The following ENPEP variants were observed in gnomAD, a reference collection of about 807,000 sequenced individuals.
The protein encoded by ENPEP is AP-A.
ENPEP carries 103 observed loss-of-function variants against 114.5 expected under a neutral mutation model. The ratio of observed to expected loss-of-function variants is 0.90; its 90% CI spans 0.77 to 1.06. The LOEUF (loss-of-function observed/expected upper bound fraction) is 1.06. Ranked by LOEUF, ENPEP falls within the 50% of genes least tolerant of loss-of-function variation. The probability of loss-of-function intolerance (pLI) is 0.00; values close to 1 mark genes in which losing one functional copy is unlikely to be tolerated. For missense variants in ENPEP, 1,196 were observed against 1,161.3 expected (o/e 1.03, Z -0.43); for synonymous variants, 420 against 422.0 (o/e 1.00, Z 0.06).
At chr4:110,559,287 T>C (rs1456577367) in intron 18 of ENPEP, 2 of 170,688 alleles carry the variant, frequency 1.2e-5, no homozygotes, top group Non-Finnish European at 2.5e-5. Context: ...ATTGTGCTAA[T>C]GTTCTGTTGG....
At chr4:110,488,713 A>G (rs1031420683) in intron 2 of ENPEP, 31 bp downstream of exon 2, 2 of 1,594,488 alleles carry the variant, frequency 1.3e-6, no homozygotes, top group African/African-American at 1.3e-5. Context: ...TTGTTTATGC[A>G]GAGAGTCTGT....
intron 10 of ENPEP, among the ~76,000 whole-genome samples, chr4:110,521,122 A>G (rs1560562242): frequency 6.6e-6 from 1 of 152,222 alleles, no homozygotes; most frequent in Non-Finnish European, 1.5e-5. Context: ...GCTCCCAGTC[A>G]GACCTTCTGC....
At chr4:110,478,183 T>C (rs1255372323) in intron 1 of ENPEP, among the ~76,000 whole-genome samples, 2 of 152,212 alleles carry the variant, frequency 1.3e-5, no homozygotes, top group Non-Finnish European at 2.9e-5. Context: ...CAAAATTCTT[T>C]CTATTGTTTG....
intron 13 of ENPEP, among the ~76,000 whole-genome samples, chr4:110,545,808 A>G (rs1208098950): frequency 6.6e-6 from 1 of 151,992 alleles, no homozygotes; most frequent in East Asian, 1.9e-4. Flanking sequence ...CTTCTGGTCC[A>G]TAGGAGGTTG....
chr4:110,520,374 T>C lies in ENPEP; in HGVS notation c.1727+8T>C, dbSNP rs759436417. 6.2e-7 allele frequency: 1 copy of C among 1,613,166 alleles called. No homozygotes were observed. The highest frequency in any genetic ancestry group is 1.1e-5 in the South Asian group (1 of 90,992). On this transcript the variant is annotated splice_region_variant and intron_variant, in intron 10 of 19. Coordinates refer to ENST00000265162, the MANE Select transcript of ENPEP (RefSeq NM_001977.4). ...GCCCCCTTCAGATCTTGGGTAAGGC[T>C]CTATAATGCATTGAAAAAAACACAG...
At chr4:110,491,214 A>T in intron 3 of ENPEP, 50 bp downstream of exon 3, 1 of 1,475,356 alleles carries the variant, frequency 6.8e-7, no homozygotes, top group Non-Finnish European at 9.1e-7. Context: ...TTTGTAATTA[A>T]TTATCTACCT....
chr4:110,511,767 T>C (rs2110355638), intron 6 of ENPEP, among the ~76,000 whole-genome samples: 1 of 152,074 alleles, frequency 6.6e-6, no homozygotes, highest in African/African-American at 2.4e-5. Context: ...ATTCCTTTTT[T>C]TTTTTTTCCT....
intron 2 of ENPEP, among the ~76,000 whole-genome samples, chr4:110,489,391 A>G (rs1002092844): frequency 6.6e-5 from 10 of 152,082 alleles, no homozygotes; most frequent in African/African-American, 2.4e-4. Flanking sequence ...GGGGAACATC[A>G]ACACCAAGGC....
intron 3 of ENPEP, 65 bp downstream of exon 3, chr4:110,491,229 TGGGTA>T: frequency 7.0e-7 from 1 of 1,422,648 alleles, no homozygotes. Context: ...CTACCTTTTT[TGGGTA>T]GTTTTTTTTT....
At chr4:110,553,707 T>A (rs753057001) in intron 18 of ENPEP, among the ~76,000 whole-genome samples, 2 of 152,002 alleles carry the variant, frequency 1.3e-5, no homozygotes, top group Non-Finnish European at 2.9e-5. Flanking sequence ...ATTGCATTAT[T>A]TTTAGTTTGG....
chr4:110,491,063 C>G lies in ENPEP; in HGVS notation c.817C>G (p.Arg273Gly). ...KEESVDDKWTRTTFEKSVPMS... is the reference protein window; with the variant it reads ...KEESVDDKWTGTTFEKSVPMS... ...AGAGTCAGTGGATGATAAATGGACTCGAACAACTTTTGAGAAGTCTGTCCC... is the reference window on the plus strand; with the variant it reads ...AGAGTCAGTGGATGATAAATGGACTGGAACAACTTTTGAGAAGTCTGTCCC... Residue 273 changes from arginine (R) to glycine (G), a missense_variant, in exon 3 of 20, where the codon CGA becomes GGA. Transcript: ENST00000265162. 6.2e-7 allele frequency: 1 copy of G among 1,610,772 alleles called. No individual in the cohort carries two copies. Among genetic ancestry groups the G allele is most frequent in the Non-Finnish European group, 8.5e-7 (1 of 1,179,392 alleles).
chr4:110,542,415 T>C lies in ENPEP; in HGVS notation c.1808-336T>C, dbSNP rs145910032. 3.4e-3 allele frequency among the ~76,000 whole-genome samples: 514 copies of C among 152,230 alleles called. 20 individuals are homozygous for C. The East Asian group carries it at 0.044, about 13-fold the overall frequency. ...GACTACCCCTGAAGGCATGGACTTCTCTGTCTCGAGGCACTGTTTTCTTTT... is the reference window on the plus strand; with the variant it reads ...GACTACCCCTGAAGGCATGGACTTCCCTGTCTCGAGGCACTGTTTTCTTTT... On this transcript the variant is annotated intron_variant, in intron 11 of 19. Transcript: ENST00000265162.
At chr4:110,532,033 C>T (rs1271254241) in intron 11 of ENPEP, among the ~76,000 whole-genome samples, 1 of 152,156 alleles carries the variant, frequency 6.6e-6, no homozygotes, top group East Asian at 1.9e-4. Context: ...CCTAGTTGCT[C>T]ATGTAAAATA....
chr4:110,490,295 G>A (rs1578392182), intron 2 of ENPEP, among the ~76,000 whole-genome samples: 1 of 152,154 alleles, frequency 6.6e-6, no homozygotes, highest in Non-Finnish European at 1.5e-5. Flanking sequence ...ATGCACACCC[G>A]TGCTTGAAGT....
chr4:110,511,445 G>C (rs893026629), intron 6 of ENPEP, among the ~76,000 whole-genome samples: 1 of 151,942 alleles, frequency 6.6e-6, no homozygotes. Flanking sequence ...CAGCTGTCTC[G>C]TGGGGGACAA....
Position 110,548,320 on chromosome 4 carries a change from G to T in ENPEP, c.2145G>T (p.Met715Ile). ...MFEDDKELYP[M>I]IEEYFQGQVK... is the part of the protein sequence containing the mutation. ...AAGATGATAAAGAGCTATATCCTAT[G>T]ATTGAGGTGACGTTAATGCTATGGT... is the stretch of plus-strand genomic sequence containing the variant. The change falls in exon 14 of 20, where the codon ATG (methionine) becomes ATT (isoleucine). Residue 715 changes from methionine (M) to isoleucine (I), a missense_variant. Physicochemically the swap from Met to Ile is conservative, Grantham distance 10 (BLOSUM62 1). Coordinates refer to ENST00000265162, the MANE Select transcript of ENPEP (RefSeq NM_001977.4). The T allele has an allele frequency of 6.3e-7, 1 of 1,577,562 alleles. No homozygotes were observed.
At chr4:110,539,673 A>G (rs1387957774) in intron 11 of ENPEP, among the ~76,000 whole-genome samples, 1 of 152,136 alleles carries the variant, frequency 6.6e-6, no homozygotes, top group Non-Finnish European at 1.5e-5. Flanking sequence ...TACAAGTGTG[A>G]GTCACCGTGC....
At chr4:110,500,531 C>G (rs1261898058) in intron 3 of ENPEP, among the ~76,000 whole-genome samples, 8 of 152,038 alleles carry the variant, frequency 5.3e-5, no homozygotes, top group Admixed American at 5.2e-4. Context: ...GACTTATAAA[C>G]TTCATATTTA....
intron 3 of ENPEP, among the ~76,000 whole-genome samples, chr4:110,504,939 G>A (rs17041837): frequency 0.011 from 1,750 of 152,310 alleles, 30 homozygotes; most frequent in African/African-American, 0.04. Context: ...AATGTTGTGT[G>A]CAGCACCAAA....
Sources: allele counts gnomAD v4.1 joint callset (sites outside exome capture counted in the v4.1 genomes callset), GRCh38; gene constraint gnomAD v4.1.1; transcripts MANE v1.5; gene names NCBI Gene and HGNC (gene_info 2026-07-23, HGNC 2026-07-21).